The following CDK14 variants were observed in gnomAD, a reference collection of about 807,000 sequenced individuals.
CDK14 encodes cyclin dependent kinase 14.
In CDK14, 34 loss-of-function variants were observed where a neutral mutation model predicts 60.7. That is an observed-to-expected ratio of 0.56 (90% CI 0.43 to 0.75). The LOEUF is 0.75. Among genes scored for constraint, CDK14 ranks in the 30% least tolerant of loss-of-function variants. CDK14 has a pLI of 0.00. For missense variants in CDK14, 482 were observed against 564.1 expected (o/e 0.85, Z 1.47); for synonymous variants, 197 against 203.7 (o/e 0.97, Z 0.28).
intron 14 of CDK14, among the ~76,000 whole-genome samples, chr7:91,185,520 GATTTATCT>G (rs1314141882): frequency 1.7e-4 from 26 of 151,858 alleles, no homozygotes; most frequent in East Asian, 1.9e-4. Flanking sequence ...TTCCTATAAT[GATTTATCT>G]ATATACCCAC....
At chr7:91,076,314 G>A (rs1260100921) in intron 11 of CDK14, among the ~76,000 whole-genome samples, 1 of 136,818 alleles carries the variant, frequency 7.3e-6, no homozygotes, top group African/African-American at 2.7e-5. Flanking sequence ...ACAGACCAAT[G>A]GAATGGAACA....
chr7:91,158,572 A>G (rs1051320752), intron 14 of CDK14, among the ~76,000 whole-genome samples: 1 of 152,200 alleles, frequency 6.6e-6, no homozygotes, highest in Non-Finnish European at 1.5e-5. Context: ...AGAATTTGTC[A>G]CAATTTGCAT....
At chr7:91,010,834 TCCCTCCC>T (rs1796136387) in intron 10 of CDK14, among the ~76,000 whole-genome samples, 167 of 62,884 alleles carry the variant, frequency 2.7e-3, no homozygotes, top group African/African-American at 8.6e-3. Context: ...CCTTCCTTCC[TCCCTCCC>T]TCCCTCCCTC....
chr7:91,008,781 G>T (rs749983623), intron 10 of CDK14, among the ~76,000 whole-genome samples: 1 of 152,132 alleles, frequency 6.6e-6, no homozygotes, highest in African/African-American at 2.4e-5. Context: ...TACTGTACAA[G>T]AATACAAAGT....
At chr7:90,814,318 G>A (rs1194708511) in intron 5 of CDK14, among the ~76,000 whole-genome samples, 1 of 152,112 alleles carries the variant, frequency 6.6e-6, no homozygotes, top group Admixed American at 6.5e-5. Context: ...GGGGTCTCTT[G>A]TTGATGCTAT....
chr7:91,139,772 TC>T (rs1456541894), intron 14 of CDK14, among the ~76,000 whole-genome samples: 2 of 127,422 alleles, frequency 1.6e-5, no homozygotes, highest in Non-Finnish European at 3.5e-5. Context: ...TCTTTTCTTT[TC>T]TTTTTTTCTT....
At chr7:90,669,415 A>C (rs1231591758) in intron 2 of CDK14, among the ~76,000 whole-genome samples, 2 of 152,190 alleles carry the variant, frequency 1.3e-5, no homozygotes, top group Non-Finnish European at 1.5e-5. Flanking sequence ...TGATTTGGCC[A>C]ATGAGGATTG....
intron 11 of CDK14, among the ~76,000 whole-genome samples, chr7:91,076,282 G>T (rs1030919283): frequency 9.1e-6 from 1 of 110,078 alleles, no homozygotes; most frequent in African/African-American, 3.0e-5. Context: ...AAAAATCATG[G>T]TACTGGTACC....
In CDK14 at chr7:91,176,655, C is replaced by G. The variant is rs571491510; in HGVS notation, c.*29-30510C>G. Among the ~76,000 whole-genome samples, 1,258 of 152,168 alleles carry G rather than the reference C, an allele frequency of 8.3e-3. 27 individuals are homozygous for G. The highest frequency in any genetic ancestry group is 0.029 in the African/African-American group (1,185 of 41,530). On this transcript the variant is annotated intron_variant, in intron 14 of 14. Coordinates refer to ENST00000380050, the MANE Select transcript of CDK14 (RefSeq NM_001287135.2). Reference sequence around the variant, plus strand: ...ACCACCGATCCCACAGAAATACAAACTACCATCAGAGAATACTACAAACAC... The same window carrying G: ...ACCACCGATCCCACAGAAATACAAAGTACCATCAGAGAATACTACAAACAC...
rs557617797 is a variant in CDK14, at chr7:90,923,739, A to T, written c.826+6015A>T. On this transcript the variant is annotated intron_variant, in intron 8 of 14. Coordinates refer to ENST00000380050, the MANE Select transcript of CDK14 (RefSeq NM_001287135.2). ...CCACTGTTGATGGAAACTTAGGCAGAGGGATTTCATTATGCAAAAACATCA... is the reference window on the plus strand; with the variant it reads ...CCACTGTTGATGGAAACTTAGGCAGTGGGATTTCATTATGCAAAAACATCA... Among the ~76,000 whole-genome samples the T allele has an allele frequency of 2.0e-5, 3 of 152,368 alleles. No individual in the cohort carries two copies. In the South Asian group the frequency reaches 6.2e-4, roughly 32 times the overall value.
chr7:90,675,854 T>C (rs1006297844), intron 2 of CDK14, among the ~76,000 whole-genome samples: 1 of 152,234 alleles, frequency 6.6e-6, no homozygotes, highest in Non-Finnish European at 1.5e-5. Context: ...TTACAAGTTA[T>C]TTCAGATTGC....
At chr7:91,116,423 CA>C (rs1007361644) in intron 13 of CDK14, among the ~76,000 whole-genome samples, 8 of 152,146 alleles carry the variant, frequency 5.3e-5, no homozygotes, top group African/African-American at 1.9e-4. Flanking sequence ...CTGAGCTTCC[CA>C]TTTCTCACTT....
chr7:90,599,534 C>CCTG (rs1799269307), intron 1 of CDK14, among the ~76,000 whole-genome samples: 8 of 152,188 alleles, frequency 5.3e-5, no homozygotes, highest in Non-Finnish European at 1.0e-4. Context: ...TCGGATAAAA[C>CCTG]ACCTGAAAAA....
At chr7:90,957,380 G>T (rs1310024078) in intron 9 of CDK14, among the ~76,000 whole-genome samples, 2 of 152,108 alleles carry the variant, frequency 1.3e-5, no homozygotes, top group African/African-American at 4.8e-5. Context: ...GGAAATAAAG[G>T]GTATTCAATT....
At chr7:90,779,202 G>C (rs1206186216) in intron 4 of CDK14, among the ~76,000 whole-genome samples, 1 of 152,014 alleles carries the variant, frequency 6.6e-6, no homozygotes, top group Admixed American at 6.6e-5. Context: ...GCAGTGAGCC[G>C]AGATTGCGCC....
intron 2 of CDK14, among the ~76,000 whole-genome samples, chr7:90,693,601 C>T (rs953450977): frequency 2.0e-5 from 3 of 152,114 alleles, no homozygotes; most frequent in Admixed American, 6.5e-5. Flanking sequence ...TTTGTACTAC[C>T]GAGTAACTGT....
At chr7:90,813,071 G>A (rs945480968) in intron 5 of CDK14, among the ~76,000 whole-genome samples, 11 of 152,202 alleles carry the variant, frequency 7.2e-5, no homozygotes, top group African/African-American at 2.7e-4. Context: ...TTGTACAGCA[G>A]TAAAAAGGAG....
chr7:90,885,016 A>G (rs1006902441), intron 6 of CDK14, among the ~76,000 whole-genome samples: 14 of 152,224 alleles, frequency 9.2e-5, no homozygotes, highest in African/African-American at 3.4e-4. Context: ...TATCCAGTAC[A>G]TAGGCATGGA....
intron 9 of CDK14, among the ~76,000 whole-genome samples, chr7:90,976,062 G>A (rs1444010506): frequency 1.3e-5 from 2 of 152,046 alleles, no homozygotes; most frequent in Non-Finnish European, 2.9e-5. Context: ...CCCAGTAGTG[G>A]GATGGCTAGC....
Sources: allele counts gnomAD v4.1 joint callset (sites outside exome capture counted in the v4.1 genomes callset), GRCh38; gene constraint gnomAD v4.1.1; transcripts MANE v1.5; gene names NCBI Gene and HGNC (gene_info 2026-07-23, HGNC 2026-07-21).